Variants in EFHC1 observed in about 807,000 individuals in gnomAD.
EFHC1 encodes EF-hand domain-containing protein 1.
A neutral mutation model predicts 69.9 loss-of-function variants in EFHC1; 53 were observed. That is an observed-to-expected ratio of 0.76 (90% CI 0.61 to 0.95). The LOEUF is 0.95. Among genes scored for constraint, EFHC1 ranks in the 40% least tolerant of loss-of-function variants. The pLI, the probability that EFHC1 is intolerant of heterozygous loss-of-function variation, is 0.00. For synonymous variants in EFHC1, 256 were observed against 278.4 expected, an observed-to-expected ratio of 0.92 and a Z score of 0.80; for missense variants, 739 against 798.7, an observed-to-expected ratio of 0.93 and a Z score of 0.90.
rs1266587351 is a variant in EFHC1 at position 52,495,642 on chromosome 6, G to A, written c.*3301G>A. On this transcript the variant is annotated 3_prime_UTR_variant, in exon 11 of 11. Coordinates refer to ENST00000371068, the MANE Select transcript of EFHC1 (RefSeq NM_018100.4). ...TCTTACTCTGTTGCCAGACTGGAAT[G>A]CGGTGGTGTGACCATAGCTCACTGC... 6.6e-6 allele frequency: 3 copies of A among 451,714 alleles called. No homozygotes were observed. The highest frequency in any genetic ancestry group is 7.0e-4 in the Middle Eastern group (1 of 1,434). The allele number at this position is 451,714 out of a possible 1,614,324, so 28.0% of individuals were successfully genotyped here.
rs570329007 is a variant in EFHC1 at position 52,450,743 on chromosome 6, T to G, written c.574-1945T>G. On this transcript the variant is annotated intron_variant, in intron 3 of 10. Transcript: ENST00000371068. ...CTTGAAGACAGCATACCATTGGGTC[T>G]TCCTTTTTTATCTAGCTTGTTATTC... Among the ~76,000 whole-genome samples, 6 of 152,256 alleles carry G rather than the reference T, an allele frequency of 3.9e-5. No individual in the cohort carries two copies. The South Asian group carries it at 8.3e-4, about 21-fold the overall frequency.
chr6:52,450,846 T>G (rs1464440406), intron 3 of EFHC1, among the ~76,000 whole-genome samples: 1 of 152,222 alleles, frequency 6.6e-6, no homozygotes, highest in Non-Finnish European at 1.5e-5. Context: ...TCACCCAGGT[T>G]GGCGTGCAGT....
chr6:52,438,985 G>A (rs887053805), intron 3 of EFHC1, among the ~76,000 whole-genome samples: 3 of 152,042 alleles, frequency 2.0e-5, no homozygotes, highest in African/African-American at 7.2e-5. Context: ...GCAGATATGA[G>A]CCTAAAATTT....
At chr6:52,487,787 A>T (rs1765817208) in intron 9 of EFHC1, 1 of 152,288 alleles carries the variant, frequency 6.6e-6, no homozygotes, top group Non-Finnish European at 1.5e-5. Context: ...ACAGAGTTCA[A>T]CTAGCATGTT....
intron 5 of EFHC1, among the ~76,000 whole-genome samples, chr6:52,462,812 T>C (rs1378778011): frequency 2.1e-5 from 3 of 145,950 alleles, no homozygotes; most frequent in Non-Finnish European, 4.5e-5. Flanking sequence ...TGCTTGAACC[T>C]GGAAGGCAGA....
intron 2 of EFHC1, 139 bp downstream of exon 2, chr6:52,424,306 T>C (rs1051785314): frequency 1.7e-5 from 14 of 824,026 alleles, no homozygotes; most frequent in Admixed American, 1.0e-4. Context: ...CCCTTAGTCA[T>C]GGACAGCTGA....
At chr6:52,429,818 T>C (rs1764378825) in intron 2 of EFHC1, among the ~76,000 whole-genome samples, 1 of 152,284 alleles carries the variant, frequency 6.6e-6, no homozygotes, top group African/African-American at 2.4e-5. Flanking sequence ...ATTCCCACCC[T>C]ATCAGCATGG....
chr6:52,443,080 G>A (rs1046312578), intron 3 of EFHC1, among the ~76,000 whole-genome samples: 3 of 152,158 alleles, frequency 2.0e-5, no homozygotes, highest in South Asian at 2.1e-4. Context: ...CTGCATAAAT[G>A]TCTTCTTTTG....
At chr6:52,466,093 A>G (rs569652725) in intron 6 of EFHC1, among the ~76,000 whole-genome samples, 52 of 152,252 alleles carry the variant, frequency 3.4e-4, no homozygotes, top group African/African-American at 1.3e-3. Flanking sequence ...ATATCCACTC[A>G]TGAAATGGAT....
chr6:52,446,611 A>T (rs955424887), intron 3 of EFHC1, among the ~76,000 whole-genome samples: 2 of 152,186 alleles, frequency 1.3e-5, no homozygotes, highest in Non-Finnish European at 2.9e-5. Flanking sequence ...TTATGATGTT[A>T]GATGGTTATT....
intron 5 of EFHC1, among the ~76,000 whole-genome samples, chr6:52,455,903 A>G (rs1337545083): frequency 2.0e-5 from 3 of 152,362 alleles, no homozygotes; most frequent in East Asian, 3.9e-4. Context: ...AGTTAGAAGC[A>G]GTAAACAAGA....
At position 52,490,405 on chromosome 6, in the gene EFHC1, T is replaced by C. The variant is rs1765874754; in HGVS notation, c.1851+55T>C. On this transcript the variant is annotated intron_variant, in intron 10 of 10. Coordinates refer to ENST00000371068, the MANE Select transcript of EFHC1 (RefSeq NM_018100.4). ...TGCAGAGGCTAGGCACTGATCATTC[T>C]TTTCTAAAGGCAATTGTGTGTGTAT... is the stretch of plus-strand genomic sequence containing the variant. 3 of 1,497,508 alleles carry C rather than the reference T, an allele frequency of 2.0e-6. No individual in the cohort carries two copies. The East Asian group carries it at 6.8e-5, about 34-fold the overall frequency. 92.8% of individuals were successfully genotyped at this position (1,497,508 alleles called of 1,614,324 possible). A position where few individuals can be genotyped will look rare whatever the true frequency, so the allele number is the denominator to read the frequency against.
chr6:52,431,765 G>C (rs2113973273), intron 2 of EFHC1, among the ~76,000 whole-genome samples: 1 of 152,156 alleles, frequency 6.6e-6, no homozygotes, highest in South Asian at 2.1e-4. Context: ...TTGACTTTCT[G>C]TCTTGGCCTG....
chr6:52,423,923 T>C (rs1410024267), intron 1 of EFHC1, 23 bp from the exon 2 acceptor site: 1 of 1,612,936 alleles, frequency 6.2e-7, no homozygotes, highest in Admixed American at 1.7e-5. Context: ...ATGTTATTAA[T>C]GACACATTCT....
Position 52,454,296 on chromosome 6 carries a change from G to A in EFHC1, c.916+9G>A. On this transcript the variant is annotated intron_variant, in intron 5 of 10. Coordinates refer to ENST00000371068, the MANE Select transcript of EFHC1 (RefSeq NM_018100.4). ...TTTGGTGGAAAATGCAAGTATGTTT[G>A]ATTCAGTTTATTCTCTGTTACTTGG... The A allele has an allele frequency of 6.2e-7, 1 of 1,613,960 alleles. No homozygotes were observed. Among genetic ancestry groups the A allele is most frequent in the Non-Finnish European group, 8.5e-7 (1 of 1,179,872 alleles).
chr6:52,477,785 G>A (rs1201868537), intron 7 of EFHC1, among the ~76,000 whole-genome samples: 3 of 152,192 alleles, frequency 2.0e-5, no homozygotes, highest in African/African-American at 7.2e-5. Flanking sequence ...AACAGGTGCT[G>A]GAGAGGATGT....
At chr6:52,454,343 G>T (rs1764992686) in intron 5 of EFHC1, 56 bp downstream of exon 5, 2 of 1,607,926 alleles carry the variant, frequency 1.2e-6, no homozygotes, top group Non-Finnish European at 1.7e-6. Context: ...GTTCTTAAAG[G>T]AGTTACTTAA....
chr6:52,459,744 G>C (rs1297618522), intron 5 of EFHC1, among the ~76,000 whole-genome samples: 1 of 152,130 alleles, frequency 6.6e-6, no homozygotes, highest in African/African-American at 2.4e-5. Context: ...GCATGGTCTT[G>C]GCTCACTGCA....
intron 2 of EFHC1, among the ~76,000 whole-genome samples, chr6:52,435,473 C>G (rs770535860): frequency 1.4e-4 from 21 of 152,182 alleles, no homozygotes; most frequent in Non-Finnish European, 2.6e-4. Flanking sequence ...CACCATCTGC[C>G]ATACCCAAAT....
Sources: allele counts gnomAD v4.1 joint callset (sites outside exome capture counted in the v4.1 genomes callset), GRCh38; gene constraint gnomAD v4.1.1; transcripts MANE v1.5; gene names NCBI Gene and HGNC (gene_info 2026-07-23, HGNC 2026-07-21).